Variants in ATXN1 observed in about 807,000 individuals in gnomAD.
ATXN1 encodes the protein ataxin 1.
In ATXN1, 8 loss-of-function variants were observed where a neutral mutation model predicts 56.4. The observed-to-expected ratio is 0.14, with a 90% confidence interval of 0.08 to 0.26. The LOEUF (loss-of-function observed/expected upper bound fraction) is 0.26, where lower values mean the gene tolerates loss of function less well. Among genes scored for constraint, ATXN1 ranks in the 10% least tolerant of loss-of-function variants. The pLI, the probability that ATXN1 is intolerant of heterozygous loss-of-function variation, is 1.00. For synonymous variants in ATXN1, 514 were observed against 494.6 expected, an observed-to-expected ratio of 1.04 and a Z score of -0.52; for missense variants, 987 against 1,106.5, an observed-to-expected ratio of 0.89 and a Z score of 1.53.
intron 3 of ATXN1, among the ~76,000 whole-genome samples, chr6:16,641,230 T>C (rs77901801): frequency 0.13 from 19,875 of 152,252 alleles, 1,721 homozygotes; most frequent in East Asian, 0.35. Context: ...ACTAAGATCA[T>C]TGATGAAGGT....
chr6:16,558,800 C>A (rs1354198531), intron 4 of ATXN1, among the ~76,000 whole-genome samples: 1 of 151,922 alleles, frequency 6.6e-6, no homozygotes, highest in Admixed American at 6.6e-5. Flanking sequence ...AATAAGATGA[C>A]TTTAATTTTT....
chr6:16,337,476 C>G (rs1469062469), intron 6 of ATXN1, among the ~76,000 whole-genome samples: 1 of 152,232 alleles, frequency 6.6e-6, no homozygotes, highest in African/African-American at 2.4e-5. Context: ...GCCAGTGTCT[C>G]TGGCGGCCTG....
At chr6:16,608,666 C>T (rs763281910) in intron 3 of ATXN1, among the ~76,000 whole-genome samples, 3 of 152,194 alleles carry the variant, frequency 2.0e-5, no homozygotes, top group Non-Finnish European at 4.4e-5. Context: ...AACATTATTA[C>T]AGGCAAAGTG....
intron 6 of ATXN1, among the ~76,000 whole-genome samples, chr6:16,358,918 C>T: frequency 6.6e-6 from 1 of 152,164 alleles, no homozygotes; most frequent in Non-Finnish European, 1.5e-5. Flanking sequence ...GAGCCAGGAA[C>T]AAGCGGGAGC....
chr6:16,382,983 C>T (rs551973394), intron 6 of ATXN1, among the ~76,000 whole-genome samples: 1 of 152,172 alleles, frequency 6.6e-6, no homozygotes, highest in Non-Finnish European at 1.5e-5. Context: ...AGCCTTGTTA[C>T]TCCTCTCTGT....
chr6:16,703,742 G>C (rs1261655136), intron 2 of ATXN1, among the ~76,000 whole-genome samples: 2 of 152,220 alleles, frequency 1.3e-5, no homozygotes, highest in Admixed American at 1.3e-4. Context: ...AAAGTGGGTT[G>C]GGCACAGTGG....
In ATXN1 at chr6:16,302,413, A is replaced by T. The variant is rs1312255160; in HGVS notation, c.*3916T>A. ...AAATCATCCCAAACTAAACTGGGTG[A>T]GTTAGGGAAAACGAAAAGTTGACCA... On this transcript the variant is annotated 3_prime_UTR_variant, in exon 8 of 8. Transcript: ENST00000436367. 3.3e-5 allele frequency: 5 copies of T among 152,642 alleles called. No individual in the cohort carries two copies. The allele number at this position is 152,642 out of a possible 1,614,324, so 9.5% of individuals were successfully genotyped here. A position where few individuals can be genotyped will look rare whatever the true frequency, so the allele number is the denominator to read the frequency against.
chr6:16,360,975 T>A (rs1261178315), intron 6 of ATXN1, among the ~76,000 whole-genome samples: 1 of 152,226 alleles, frequency 6.6e-6, no homozygotes, highest in African/African-American at 2.4e-5. Context: ...TCTTTACTTA[T>A]TCTAAGTAAA....
At position 16,657,878 on chromosome 6, in the gene ATXN1, A is replaced by T. The variant is rs1288822322; in HGVS notation, c.-591T>A. 1 of 152,130 alleles carries T rather than the reference A, an allele frequency of 6.6e-6. No individual in the cohort carries two copies. The highest frequency in any genetic ancestry group is 1.9e-4 in the East Asian group (1 of 5,180). 9.4% of individuals were successfully genotyped at this position (152,130 alleles called of 1,614,324 possible). On this transcript the variant is annotated 5_prime_UTR_variant, in exon 3 of 8. Transcript: ENST00000436367. ...CACTAAGTTTGAAGCTTCAAAATAGACTCTTTCACTATGCTCCAGTATGCT... is the reference window on the plus strand; with the variant it reads ...CACTAAGTTTGAAGCTTCAAAATAGTCTCTTTCACTATGCTCCAGTATGCT...
chr6:16,720,370 C>T (rs1282432195), intron 2 of ATXN1, among the ~76,000 whole-genome samples: 9 of 152,218 alleles, frequency 5.9e-5, no homozygotes, highest in Non-Finnish European at 1.3e-4. Flanking sequence ...ACTATGAGAA[C>T]ATAAGCTCTC....
intron 3 of ATXN1, among the ~76,000 whole-genome samples, chr6:16,590,716 T>C (rs763855250): frequency 6.6e-6 from 1 of 152,080 alleles, no homozygotes; most frequent in South Asian, 2.1e-4. Flanking sequence ...GTTTCCCAGG[T>C]TGGAGTGCAG....
At chr6:16,717,844 C>T (rs1205208284) in intron 2 of ATXN1, among the ~76,000 whole-genome samples, 1 of 152,216 alleles carries the variant, frequency 6.6e-6, no homozygotes, top group Admixed American at 6.5e-5. Context: ...CCAGCCCTCG[C>T]TGACAGCATG....
Position 16,470,258 on chromosome 6 carries a change from T to C in ATXN1, c.-161+15714A>G, listed in dbSNP as rs142855990. On this transcript the variant is annotated intron_variant, in intron 6 of 7. Transcript: ENST00000436367. ...GACAAATACTACATGATTCCACTTA[T>C]ATGAGCCACTTACAGTAGTCAAAAT... 4.0e-3 allele frequency among the ~76,000 whole-genome samples: 605 copies of C among 152,292 alleles called. 2 individuals carry two copies. The highest frequency in any genetic ancestry group is 6.8e-3 in the Middle Eastern group (2 of 294).
intron 6 of ATXN1, among the ~76,000 whole-genome samples, chr6:16,461,067 A>G (rs1759984285): frequency 6.6e-6 from 1 of 152,226 alleles, no homozygotes; most frequent in Non-Finnish European, 1.5e-5. Flanking sequence ...ACACTGCTGA[A>G]GCCATCAAAA....
intron 6 of ATXN1, among the ~76,000 whole-genome samples, chr6:16,354,963 G>C (rs780687266): frequency 3.3e-5 from 5 of 152,246 alleles, no homozygotes; most frequent in Non-Finnish European, 7.3e-5. Context: ...GCTGCACACT[G>C]TGTCCTGTAA....
chr6:16,493,449 T>A (rs957523986), intron 5 of ATXN1, among the ~76,000 whole-genome samples: 1 of 149,492 alleles, frequency 6.7e-6, no homozygotes. Flanking sequence ...ATCAGAAGTT[T>A]TTTTTTTTTT....
chr6:16,328,445 C>T lies in ATXN1; in HGVS notation c.-135G>A. On this transcript the variant is annotated 5_prime_UTR_variant, in exon 7 of 8. Coordinates refer to ENST00000436367, the MANE Select transcript of ATXN1 (RefSeq NM_001128164.2). The surrounding 1 kb of genome is among the most constrained non-coding windows in gnomAD (Gnocchi z 6.2). ...ATGAGGAATCATCTCCCCGTGGGTA[C>T]AATCCGCCAACAGCAGCTCTGGATG... 7.6e-7 allele frequency: 1 copy of T among 1,316,686 alleles called. No homozygotes were observed. Among genetic ancestry groups the T allele is most frequent in the Middle Eastern group, 2.8e-4 (1 of 3,572 alleles). The allele number at this position is 1,316,686 out of a possible 1,614,324, so 81.6% of individuals were successfully genotyped here.
At chr6:16,585,068 A>G (rs1386723911) in intron 4 of ATXN1, among the ~76,000 whole-genome samples, 1 of 151,580 alleles carries the variant, frequency 6.6e-6, no homozygotes, top group East Asian at 1.9e-4. Flanking sequence ...CCTCATCACT[A>G]TATAAAAAAA....
intron 2 of ATXN1, among the ~76,000 whole-genome samples, chr6:16,730,254 G>A (rs977933835): frequency 4.6e-5 from 7 of 152,068 alleles, no homozygotes; most frequent in African/African-American, 1.7e-4. Flanking sequence ...ACCCCAGCCT[G>A]GGCAACAGAG....
Sources: allele counts gnomAD v4.1 joint callset (sites outside exome capture counted in the v4.1 genomes callset), GRCh38; gene constraint gnomAD v4.1.1; non-coding constraint Gnocchi (gnomAD v3.1); transcripts MANE v1.5; gene names NCBI Gene and HGNC (gene_info 2026-07-23, HGNC 2026-07-21).